The following CMIP variants were observed in gnomAD, a reference collection of about 807,000 sequenced individuals.
CMIP encodes C-Maf-inducing protein.
A neutral mutation model predicts 97.3 loss-of-function variants in CMIP; 13 were observed. The observed-to-expected ratio is 0.13, with a 90% CI of 0.09 to 0.21. The LOEUF (loss-of-function observed/expected upper bound fraction) is 0.21. CMIP is among the 10% of genes least tolerant of loss of function. The probability of loss-of-function intolerance (pLI) is 1.00; values close to 1 mark genes in which losing one functional copy is unlikely to be tolerated. For missense variants in CMIP, 847 were observed against 1,024.9 expected, an observed-to-expected ratio of 0.83 and a Z score of 2.37; for synonymous variants, 538 against 436.3, an observed-to-expected ratio of 1.23 and a Z score of -2.91.
At chr16:81,687,521 AG>A (rs778040791) in intron 10 of CMIP, among the ~76,000 whole-genome samples, 3 of 152,314 alleles carry the variant, frequency 2.0e-5, no homozygotes, top group East Asian at 3.9e-4. Context: ...AACACAGTGC[AG>A]GTGCTGGGGC....
intron 10 of CMIP, among the ~76,000 whole-genome samples, chr16:81,686,792 TCTC>T (rs766631863): frequency 3.5e-4 from 53 of 151,960 alleles, no homozygotes; most frequent in African/African-American, 4.6e-4. Context: ...GAAAAAAACA[TCTC>T]CTCCCGTTTC....
At chr16:81,645,734 G>T (rs561439569) in intron 3 of CMIP, 94 of 971,886 alleles carry the variant, frequency 9.7e-5, no homozygotes, top group Non-Finnish European at 1.3e-4. Flanking sequence ...CGGATGTGGG[G>T]AGCCCTCCTG....
chr16:81,672,099 G>A (rs560167332), intron 9 of CMIP, 29 bp downstream of exon 9: 1 of 1,368,842 alleles, frequency 7.3e-7, no homozygotes, highest in African/African-American at 1.4e-5. Context: ...GCCACCCAGA[G>A]GGCTTGGGAG....
At chr16:81,694,830 C>G (rs192325658) in intron 13 of CMIP, among the ~76,000 whole-genome samples, 75 of 152,312 alleles carry the variant, frequency 4.9e-4, no homozygotes, top group African/African-American at 1.8e-3. Context: ...CACCGCAATT[C>G]TAAACACCGA....
At chr16:81,679,482 T>C (rs531724919) in intron 10 of CMIP, among the ~76,000 whole-genome samples, 23 of 152,130 alleles carry the variant, frequency 1.5e-4, no homozygotes, top group Middle Eastern at 6.8e-3. Context: ...GGGGTGTGAG[T>C]ATCTGTGCAT....
intron 15 of CMIP, among the ~76,000 whole-genome samples, chr16:81,701,150 A>G (rs929220843): frequency 6.6e-6 from 1 of 151,650 alleles, no homozygotes; most frequent in Non-Finnish European, 1.5e-5. Context: ...TGGAAAGGGA[A>G]TGTCAGAGGC....
chr16:81,654,233 T>TATC (rs1209818119), intron 4 of CMIP, among the ~76,000 whole-genome samples: 4 of 151,190 alleles, frequency 2.6e-5, no homozygotes, highest in Non-Finnish European at 4.4e-5. Context: ...CCTTGGGCTT[T>TATC]ATTATTATTA....
chr16:81,700,496 G>C (rs1482998295), intron 15 of CMIP: 1 of 152,466 alleles, frequency 6.6e-6, no homozygotes, highest in Non-Finnish European at 1.5e-5. Flanking sequence ...TTTTAACTTA[G>C]CCTCCCTTGG....
At chr16:81,701,927 C>A (rs58070059) in intron 16 of CMIP, 127 bp downstream of exon 16, 550,129 of 1,159,716 alleles carry the variant, frequency 0.47, 134,699 homozygotes, top group Non-Finnish European at 0.5. Flanking sequence ...CTCCAAACCC[C>A]AGAAATTGGT....
In CMIP at chr16:81,457,919, C is replaced by A. The variant is rs967518505; in HGVS notation, c.300+12378C>A. On this transcript the variant is annotated intron_variant, in intron 1 of 20. Coordinates refer to ENST00000537098, the MANE Select transcript of CMIP (RefSeq NM_198390.3). ...AGCTGGCCTGGGCGTTGGCAAGCTC[C>A]CCCCTACCTTTGATCCCTCCCGACT... Among the ~76,000 whole-genome samples the A allele has an allele frequency of 3.9e-5, 6 of 152,212 alleles. No individual in the cohort carries two copies. In the East Asian group the frequency reaches 1.2e-3, roughly 29 times the overall value.
At chr16:81,507,425 C>G (rs1157865645) in intron 1 of CMIP, among the ~76,000 whole-genome samples, 1 of 152,144 alleles carries the variant, frequency 6.6e-6, no homozygotes, top group Non-Finnish European at 1.5e-5. Flanking sequence ...GGTGTGTCCT[C>G]TATGTGTGTC....
chr16:81,477,495 G>A (rs114464019), intron 1 of CMIP, among the ~76,000 whole-genome samples: 1,597 of 152,304 alleles, frequency 0.01, 26 homozygotes, highest in African/African-American at 0.036. Context: ...GGCAGGGTAT[G>A]GACTGTGCAT....
intron 1 of CMIP, among the ~76,000 whole-genome samples, chr16:81,528,011 C>T (rs1411874111): frequency 1.3e-5 from 2 of 152,128 alleles, no homozygotes; most frequent in South Asian, 2.1e-4. Context: ...ACCTGTTTTC[C>T]AAAGTGGTTG....
chr16:81,494,844 G>T (rs555342459), intron 1 of CMIP, among the ~76,000 whole-genome samples: 65 of 152,284 alleles, frequency 4.3e-4, no homozygotes, highest in African/African-American at 1.5e-3. Flanking sequence ...ACTAATAACT[G>T]CCATTTATCA....
rs139025581 is a variant in CMIP at position 81,596,926 on chromosome 16, C to G, written c.301-10641C>G. ...ATGTACATTGATGACATGCTTCTGT[C>G]CAGTTGCTTTTGCTCCATGCTCAGT... On this transcript the variant is annotated intron_variant, in intron 1 of 20. Coordinates refer to ENST00000537098, the MANE Select transcript of CMIP (RefSeq NM_198390.3). 1.5e-3 allele frequency among the ~76,000 whole-genome samples: 229 copies of G among 152,322 alleles called. 1 individual carries two copies. The highest frequency in any genetic ancestry group is 5.4e-3 in the African/African-American group (225 of 41,564).
Position 81,702,659 on chromosome 16 carries a change from C to G in CMIP, c.1934C>G (p.Ser645Cys). 1 of 1,613,456 alleles carries G rather than the reference C, an allele frequency of 6.2e-7. No homozygotes were observed. The highest frequency in any genetic ancestry group is 8.5e-7 in the Non-Finnish European group (1 of 1,179,628). The change falls in exon 17 of 21, where the codon TCC becomes TGC. Residue 645 changes from serine to cysteine, a missense_variant. Ser to Cys is a moderately radical substitution (Grantham distance 112, BLOSUM62 -1). Transcript: ENST00000537098. Reference sequence around the variant, plus strand: ...GGGCCCACCAGGCTAACACTGCCCTCCAAGTCCACAGTGAGTTGGTTTGGT... The same window carrying G: ...GGGCCCACCAGGCTAACACTGCCCTGCAAGTCCACAGTGAGTTGGTTTGGT... Reference protein sequence around the residue: ...KGGPTRLTLPSKSTDADLARL... With the variant: ...KGGPTRLTLPCKSTDADLARL...
In CMIP at chr16:81,645,278, C is replaced by T. The variant is rs753482403; in HGVS notation, c.478-6925C>T. 4.3e-4 allele frequency: 394 copies of T among 916,510 alleles called. 1 individual carries two copies. Among genetic ancestry groups the T allele is most frequent in the Non-Finnish European group, 5.6e-4 (381 of 676,808 alleles). The allele number at this position is 916,510 out of a possible 1,614,324, so 56.8% of individuals were successfully genotyped here. ...GCTCATATTTCCCTGTGGGGTCCTCCTCCACTCTGCAGTGCCATGGGCGCG... is the reference window on the plus strand; with the variant it reads ...GCTCATATTTCCCTGTGGGGTCCTCTTCCACTCTGCAGTGCCATGGGCGCG... On this transcript the variant is annotated intron_variant, in intron 3 of 20. Coordinates refer to ENST00000537098, the MANE Select transcript of CMIP (RefSeq NM_198390.3).
chr16:81,518,131 C>G (rs2089951412), intron 1 of CMIP: 1 of 153,128 alleles, frequency 6.5e-6, no homozygotes. Context: ...TGCTGTTTCC[C>G]CGAGTCAGTT....
intron 20 of CMIP, among the ~76,000 whole-genome samples, chr16:81,707,808 G>A (rs568746030): frequency 2.0e-5 from 3 of 152,394 alleles, no homozygotes; most frequent in East Asian, 3.9e-4. Context: ...AGGAGCGGGC[G>A]GGACTGGCAG....
Sources: gnomAD v4.1 joint callset for allele counts (sites outside exome capture counted in the v4.1 genomes callset) on GRCh38, gnomAD v4.1.1 for gene constraint, MANE v1.5 for transcripts, NCBI Gene and HGNC (gene_info 2026-07-23, HGNC 2026-07-21) for gene names.